EXOC4: variants seen among roughly 807,000 people sequenced by gnomAD.
The protein encoded by EXOC4 is exocyst complex component 4.
A neutral mutation model predicts 107.2 loss-of-function variants in EXOC4; 71 were observed. That is an observed-to-expected ratio of 0.66 (90% CI 0.55 to 0.81). The LOEUF (loss-of-function observed/expected upper bound fraction) is 0.81, where lower values mean the gene tolerates loss of function less well. EXOC4 is among the 30% of genes least tolerant of loss of function. The pLI, the probability that EXOC4 is intolerant of heterozygous loss-of-function variation, is 0.00. For synonymous variants in EXOC4, 456 were observed against 441.2 expected (o/e 1.03, Z -0.42); for missense variants, 1,108 against 1,189.6 (o/e 0.93, Z 1.01).
chr7:133,441,311 G>C (rs912187451), intron 7 of EXOC4, among the ~76,000 whole-genome samples: 1 of 152,164 alleles, frequency 6.6e-6, no homozygotes, highest in Admixed American at 6.5e-5. Context: ...AAGGTAGGTT[G>C]GGACTGGCTC....
chr7:133,514,158 G>A (rs927819034), intron 9 of EXOC4, among the ~76,000 whole-genome samples: 9 of 150,666 alleles, frequency 6.0e-5, no homozygotes, highest in Admixed American at 2.0e-4. Context: ...TTGGAACATC[G>A]TTTTTTGTTT....
At chr7:134,007,643 T>A (rs766812547) in intron 16 of EXOC4, 33 bp from the exon 17 acceptor site, 1 of 1,530,074 alleles carries the variant, frequency 6.5e-7, no homozygotes, top group Non-Finnish European at 8.8e-7. Flanking sequence ...CTGTCATCCG[T>A]TTTCTTTGCC....
chr7:133,942,211 G>T (rs952549141), intron 14 of EXOC4, among the ~76,000 whole-genome samples: 1 of 151,718 alleles, frequency 6.6e-6, no homozygotes, highest in Non-Finnish European at 1.5e-5. Context: ...AAATCTCTGG[G>T]ATTAGAGATT....
intron 14 of EXOC4, among the ~76,000 whole-genome samples, chr7:133,949,477 G>A (rs1447233176): frequency 6.6e-6 from 1 of 152,108 alleles, no homozygotes; most frequent in Non-Finnish European, 1.5e-5. Flanking sequence ...CTTTATAGAA[G>A]CCAAGAATAT....
At chr7:134,053,130 A>G (rs2116591320) in intron 17 of EXOC4, among the ~76,000 whole-genome samples, 1 of 152,132 alleles carries the variant, frequency 6.6e-6, no homozygotes, top group Non-Finnish European at 1.5e-5. Flanking sequence ...TGAATATAGA[A>G]TTCAGCCCTG....
intron 7 of EXOC4, among the ~76,000 whole-genome samples, chr7:133,452,680 G>A (rs1798374819): frequency 6.6e-6 from 1 of 151,372 alleles, no homozygotes. Context: ...CTACTATTAT[G>A]GATTGTTGAG....
intron 10 of EXOC4, among the ~76,000 whole-genome samples, chr7:133,781,182 T>A (rs1352613793): frequency 6.6e-6 from 1 of 152,202 alleles, no homozygotes. Flanking sequence ...CCCTTCTAAG[T>A]GTTGAATTCA....
chr7:134,067,636 T>TAC (rs1491317350), downstream of EXOC4, among the ~76,000 whole-genome samples: 181 of 129,160 alleles, frequency 1.4e-3, no homozygotes, highest in Middle Eastern at 3.9e-3. Context: ...TATATATATA[T>TAC]ATACACACAC....
intron 7 of EXOC4, among the ~76,000 whole-genome samples, chr7:133,397,745 T>G (rs1391989701): frequency 2.6e-5 from 4 of 152,190 alleles, no homozygotes; most frequent in Admixed American, 2.6e-4. Context: ...CTTTGTTTTC[T>G]TCTCTCTCCA....
chr7:133,702,718 T>C (rs765514646), intron 10 of EXOC4, among the ~76,000 whole-genome samples: 7 of 152,100 alleles, frequency 4.6e-5, no homozygotes, highest in Non-Finnish European at 8.8e-5. Context: ...TTGTGCTAGG[T>C]GGCTTTTAAA....
intron 14 of EXOC4, among the ~76,000 whole-genome samples, chr7:133,989,216 T>C (rs1399048973): frequency 6.6e-6 from 1 of 152,250 alleles, no homozygotes; most frequent in Non-Finnish European, 1.5e-5. Context: ...CCCAGATTGA[T>C]GTATCACCTA....
intron 9 of EXOC4, among the ~76,000 whole-genome samples, chr7:133,516,409 A>G (rs1268652067): frequency 6.6e-6 from 1 of 152,088 alleles, no homozygotes; most frequent in Non-Finnish European, 1.5e-5. Flanking sequence ...TCTCTAAAAA[A>G]TTGTCTTTTC....
chr7:133,941,734 T>A (rs1203819042), intron 14 of EXOC4, among the ~76,000 whole-genome samples: 1 of 151,916 alleles, frequency 6.6e-6, no homozygotes, highest in South Asian at 2.1e-4. Flanking sequence ...ATGCATTGAC[T>A]CATACAGCAG....
chr7:133,755,607 G>C (rs1319792307), intron 10 of EXOC4, among the ~76,000 whole-genome samples: 1 of 151,760 alleles, frequency 6.6e-6, no homozygotes, highest in South Asian at 2.1e-4. Flanking sequence ...ATCCCAAAGT[G>C]CTGGGATTAC....
intron 7 of EXOC4, among the ~76,000 whole-genome samples, chr7:133,473,304 C>G (rs916981510): frequency 6.6e-6 from 1 of 152,016 alleles, no homozygotes; most frequent in African/African-American, 2.4e-5. Flanking sequence ...ATCCACATAC[C>G]GAATAATACT....
At chr7:133,575,429 T>G (rs1801107348) in intron 9 of EXOC4, among the ~76,000 whole-genome samples, 1 of 152,206 alleles carries the variant, frequency 6.6e-6, no homozygotes, top group African/African-American at 2.4e-5. Context: ...CCCCACCCAG[T>G]TAAAAAATAA....
intron 7 of EXOC4, among the ~76,000 whole-genome samples, chr7:133,397,024 A>G (rs1398423497): frequency 6.6e-6 from 1 of 152,132 alleles, no homozygotes; most frequent in Admixed American, 6.5e-5. Flanking sequence ...TTTCATCTCA[A>G]GCCTTGATTT....
intron 9 of EXOC4, among the ~76,000 whole-genome samples, chr7:133,541,489 G>C (rs1800378676): frequency 6.6e-6 from 1 of 152,112 alleles, no homozygotes; most frequent in African/African-American, 2.4e-5. Flanking sequence ...TTTATGTTAT[G>C]TTACGTTACA....
intron 5 of EXOC4, among the ~76,000 whole-genome samples, chr7:133,331,625 C>G (rs1220279702): frequency 6.6e-6 from 1 of 151,932 alleles, no homozygotes; most frequent in East Asian, 1.9e-4. Context: ...GCCACCTCGC[C>G]CGGCTAATTT....
Sources: allele counts gnomAD v4.1 joint callset (sites outside exome capture counted in the v4.1 genomes callset), GRCh38; gene constraint gnomAD v4.1.1; transcripts MANE v1.5; gene names NCBI Gene and HGNC (gene_info 2026-07-23, HGNC 2026-07-21).